LRP1B: variants seen among roughly 807,000 people sequenced by gnomAD.
The protein encoded by LRP1B is LDL receptor related protein 1B.
LRP1B carries 217 observed loss-of-function variants against 556.6 expected under a neutral mutation model. The ratio of observed to expected loss-of-function variants is 0.39; its 90% CI spans 0.35 to 0.44. The LOEUF (loss-of-function observed/expected upper bound fraction) is 0.44, where lower values mean the gene tolerates loss of function less well. Among genes scored for constraint, LRP1B ranks in the 20% least tolerant of loss-of-function variants. LRP1B has a pLI of 1.00. For missense variants in LRP1B, 5,053 were observed against 5,620.8 expected, an observed-to-expected ratio of 0.90 and a Z score of 3.23; for synonymous variants, 2,047 against 1,865.8, an observed-to-expected ratio of 1.10 and a Z score of -2.50.
At chr2:140,328,966 G>A (rs1164639765) in intron 79 of LRP1B, among the ~76,000 whole-genome samples, 2 of 152,022 alleles carry the variant, frequency 1.3e-5, no homozygotes, top group Non-Finnish European at 2.9e-5. Context: ...TTAATTATGA[G>A]TGGTCCAGGA....
intron 3 of LRP1B, among the ~76,000 whole-genome samples, chr2:141,472,138 G>A (rs927837091): frequency 6.6e-6 from 1 of 152,172 alleles, no homozygotes; most frequent in Non-Finnish European, 1.5e-5. Flanking sequence ...GCACCAAGGG[G>A]TAAATCTCCA....
chr2:140,283,964 G>A (rs1039346175), intron 84 of LRP1B, among the ~76,000 whole-genome samples: 2 of 151,598 alleles, frequency 1.3e-5, no homozygotes, highest in Non-Finnish European at 3.0e-5. Context: ...CTTATCAGAT[G>A]AGGCTAACTG....
chr2:140,232,576 A>C lies in LRP1B; in HGVS notation c.*610T>G, dbSNP rs1244457902. 3.3e-5 allele frequency: 5 copies of C among 151,740 alleles called. No homozygotes were observed. The highest frequency in any genetic ancestry group is 1.2e-4 in the African/African-American group (5 of 41,338). 9.4% of individuals were successfully genotyped at this position (151,740 alleles called of 1,614,324 possible). On this transcript the variant is annotated 3_prime_UTR_variant, in exon 91 of 91. Coordinates refer to ENST00000389484, the MANE Select transcript of LRP1B (RefSeq NM_018557.3). Reference sequence around the variant, plus strand: ...TTGGAAAATGTAGTCATCTGTGTTCATGCAAATTATTAATTTTACATATTT... The same window carrying C: ...TTGGAAAATGTAGTCATCTGTGTTCCTGCAAATTATTAATTTTACATATTT...
At chr2:141,833,366 CT>C (rs1697170101) in intron 1 of LRP1B, among the ~76,000 whole-genome samples, 1 of 151,734 alleles carries the variant, frequency 6.6e-6, no homozygotes, top group Non-Finnish European at 1.5e-5. Context: ...AATTTCACAT[CT>C]ATTCTTTGTC....
chr2:142,041,287 A>G (rs943396514), intron 1 of LRP1B, among the ~76,000 whole-genome samples: 1 of 151,408 alleles, frequency 6.6e-6, no homozygotes, highest in African/African-American at 2.4e-5. Flanking sequence ...AGCTTCAAGG[A>G]GCACATGGTC....
chr2:140,274,469 C>T lies in LRP1B; in HGVS notation c.13097G>A (p.Gly4366Glu), dbSNP rs763456145. 3.1e-6 allele frequency: 5 copies of T among 1,612,582 alleles called. No homozygotes were observed. The African/African-American group carries it at 6.7e-5, about 22-fold the overall frequency. The change falls in exon 85 of 91, where the codon GGG (glycine) becomes GAG (glutamate). Residue 4366 changes from glycine (G) to glutamate (E), a missense_variant. Physicochemically the swap from Gly to Glu is moderately conservative, Grantham distance 98 (BLOSUM62 -2). Coordinates refer to ENST00000389484, the MANE Select transcript of LRP1B (RefSeq NM_018557.3). The stretch of plus-strand genomic sequence containing the variant: ...GTCTTTATTTATAATGCAGTGCCCC[C>T]CATGGCACCTTACACACTTGTCAAC... ...CEVDKCVRCH[G>E]GHCIINKDSE... is the part of the protein sequence containing the mutation.
intron 2 of LRP1B, among the ~76,000 whole-genome samples, chr2:141,634,361 A>G (rs1462575853): frequency 6.6e-6 from 1 of 152,012 alleles, no homozygotes; most frequent in Non-Finnish European, 1.5e-5. Context: ...CATTTAAAAT[A>G]GAAAAATTAT....
At chr2:141,638,896 C>CGCGT (rs1689200696) in intron 2 of LRP1B, among the ~76,000 whole-genome samples, 1 of 57,626 alleles carries the variant, frequency 1.7e-5, no homozygotes, top group African/African-American at 5.8e-5. Flanking sequence ...TGTGTATGTG[C>CGCGT]GTGTGTGTGT....
chr2:142,021,328 G>GT (rs1233765578), intron 1 of LRP1B, among the ~76,000 whole-genome samples: 1 of 152,068 alleles, frequency 6.6e-6, no homozygotes, highest in African/African-American at 2.4e-5. Flanking sequence ...GCGTGTGTGT[G>GT]TGTGTGTCAG....
intron 3 of LRP1B, among the ~76,000 whole-genome samples, chr2:141,279,768 T>C (rs1685442255): frequency 6.6e-6 from 1 of 152,092 alleles, no homozygotes; most frequent in South Asian, 2.1e-4. Context: ...TGAGCAGCAC[T>C]AATTTTTGGA....
chr2:141,841,770 A>G (rs939872847), intron 1 of LRP1B, among the ~76,000 whole-genome samples: 1 of 152,204 alleles, frequency 6.6e-6, no homozygotes, highest in Non-Finnish European at 1.5e-5. Flanking sequence ...TGGGTTATTG[A>G]CAGGTCCTCA....
chr2:140,316,967 ATTCAG>A (rs1684550773), intron 82 of LRP1B, among the ~76,000 whole-genome samples: 2 of 152,112 alleles, frequency 1.3e-5, no homozygotes, highest in African/African-American at 4.8e-5. Flanking sequence ...TAGCATTCTT[ATTCAG>A]CATTATCGAC....
intron 66 of LRP1B, among the ~76,000 whole-genome samples, chr2:140,426,541 T>C (rs558955377): frequency 3.3e-5 from 5 of 152,116 alleles, no homozygotes; most frequent in Admixed American, 6.5e-5. Flanking sequence ...GACATTATCT[T>C]CTGAAATTCC....
chr2:142,126,806 A>G (rs1707670887), intron 1 of LRP1B, among the ~76,000 whole-genome samples: 1 of 151,916 alleles, frequency 6.6e-6, no homozygotes, highest in East Asian at 1.9e-4. Context: ...GAGAAAAGAC[A>G]TAAAGTTCCC....
chr2:140,725,860 C>T (rs1430576092), intron 35 of LRP1B, among the ~76,000 whole-genome samples: 1 of 152,024 alleles, frequency 6.6e-6, no homozygotes, highest in Non-Finnish European at 1.5e-5. Flanking sequence ...TCTGATTAGC[C>T]ATTTTCCAAA....
intron 2 of LRP1B, among the ~76,000 whole-genome samples, chr2:141,619,602 A>T (rs1688431628): frequency 6.6e-6 from 1 of 152,214 alleles, no homozygotes; most frequent in African/African-American, 2.4e-5. Context: ...TATAATAATC[A>T]ACCACATATT....
intron 41 of LRP1B, among the ~76,000 whole-genome samples, 164 bp from the exon 42 acceptor site, chr2:140,601,803 A>T (rs1682683565): frequency 6.6e-6 from 1 of 152,194 alleles, no homozygotes; most frequent in Non-Finnish European, 1.5e-5. Flanking sequence ...CCTACAATTG[A>T]CAGCTTATTA....
chr2:141,832,129 A>G (rs1231013429), intron 1 of LRP1B, among the ~76,000 whole-genome samples: 1 of 151,734 alleles, frequency 6.6e-6, no homozygotes, highest in Non-Finnish European at 1.5e-5. Flanking sequence ...AAGAAATAAT[A>G]GCCTTTGCTG....
At chr2:140,414,387 T>A (rs901484838) in intron 66 of LRP1B, among the ~76,000 whole-genome samples, 11 of 151,590 alleles carry the variant, frequency 7.3e-5, no homozygotes, top group East Asian at 1.9e-4. Context: ...GTAAAATATT[T>A]AAAAAAAAAT....
Sources: gnomAD v4.1 joint callset for allele counts (sites outside exome capture counted in the v4.1 genomes callset) on GRCh38, gnomAD v4.1.1 for gene constraint, MANE v1.5 for transcripts, NCBI Gene and HGNC (gene_info 2026-07-23, HGNC 2026-07-21) for gene names.